UPK1B: variants seen among roughly 807,000 people sequenced by gnomAD.
UPK1B encodes the protein uroplakin-1b.
UPK1B carries 28 observed loss-of-function variants against 34.2 expected under a neutral mutation model. That is an observed-to-expected ratio of 0.82 (90% CI 0.61 to 1.12). UPK1B has a LOEUF of 1.12. Among genes scored for constraint, UPK1B ranks in the 50% most tolerant of loss-of-function variants. UPK1B has a pLI of 0.00. For missense variants in UPK1B, 325 were observed against 320.9 expected (o/e 1.01, Z -0.10); for synonymous variants, 81 against 110.4 (o/e 0.73, Z 1.67).
At chr3:119,185,195 G>T (rs927347204) in intron 1 of UPK1B, among the ~76,000 whole-genome samples, 1 of 152,164 alleles carries the variant, frequency 6.6e-6, no homozygotes, top group South Asian at 2.1e-4. Flanking sequence ...AGCTAAAAGT[G>T]CTCATAAATT....
chr3:119,176,299 A>C (rs1202624619), intron 1 of UPK1B, among the ~76,000 whole-genome samples: 1 of 152,160 alleles, frequency 6.6e-6, no homozygotes, highest in African/African-American at 2.4e-5. Flanking sequence ...AAATGATCTC[A>C]TGCTTACTGG....
At chr3:119,183,269 T>C (rs1400362376) in intron 1 of UPK1B, among the ~76,000 whole-genome samples, 1 of 145,080 alleles carries the variant, frequency 6.9e-6, no homozygotes, top group East Asian at 2.0e-4. Context: ...CCCTTTTTTT[T>C]TGTTTTTTTT....
intron 1 of UPK1B, among the ~76,000 whole-genome samples, chr3:119,179,915 C>T (rs2077981771): frequency 6.9e-6 from 1 of 145,910 alleles, no homozygotes; most frequent in African/African-American, 2.5e-5. Flanking sequence ...TCTCCCGCCT[C>T]AGCCTCCTGA....
At chr3:119,196,535 C>CTTTTTTTT (rs34406185) in intron 6 of UPK1B, among the ~76,000 whole-genome samples, 1 of 107,178 alleles carries the variant, frequency 9.3e-6, no homozygotes, top group African/African-American at 3.7e-5. Flanking sequence ...TTTTCTTTTT[C>CTTTTTTTT]TTTTTTTTTT....
At chr3:119,194,435 T>G in intron 6 of UPK1B, 37 bp downstream of exon 6, 1 of 1,554,884 alleles carries the variant, frequency 6.4e-7, no homozygotes, top group Non-Finnish European at 8.7e-7. Flanking sequence ...CCCAGGAGGT[T>G]CTGCTGCTCT....
intron 1 of UPK1B, among the ~76,000 whole-genome samples, chr3:119,178,613 T>C (rs998982203): frequency 1.3e-5 from 2 of 152,196 alleles, no homozygotes; most frequent in African/African-American, 2.4e-5. Flanking sequence ...CCTAAATTCA[T>C]ACCAAAAACT....
At chr3:119,176,377 T>C (rs145130676) in intron 1 of UPK1B, among the ~76,000 whole-genome samples, 212 of 152,316 alleles carry the variant, frequency 1.4e-3, no homozygotes, top group Middle Eastern at 3.4e-3. Flanking sequence ...TTTTTAGACC[T>C]TTCAATGTGT....
At position 119,202,599 on chromosome 3, in the gene UPK1B, C is replaced by T. The variant is rs79132158; in HGVS notation, c.733-1318C>T. On this transcript the variant is annotated intron_variant, in intron 7 of 7. Transcript: ENST00000264234. ...ACTGAAGCTCAGGAAATTTAAGTGA[C>T]TTGGCTAAAGTTACCCAGGAGTAAG... Among the ~76,000 whole-genome samples the T allele has an allele frequency of 7.2e-3, 1,096 of 152,250 alleles. 8 individuals are homozygous for T. Among genetic ancestry groups the T allele is most frequent in the African/African-American group, 0.026 (1,064 of 41,528 alleles).
intron 1 of UPK1B, among the ~76,000 whole-genome samples, chr3:119,175,104 T>C (rs1481417957): frequency 7.5e-6 from 1 of 133,700 alleles, no homozygotes; most frequent in Admixed American, 8.7e-5. Context: ...CTCTGCTCAC[T>C]GCAAGCTCTG....
Position 119,204,187 on chromosome 3 carries a change from C to T in UPK1B, c.*220C>T, listed in dbSNP as rs1418786937. On this transcript the variant is annotated 3_prime_UTR_variant, in exon 8 of 8. Coordinates refer to ENST00000264234, the MANE Select transcript of UPK1B (RefSeq NM_006952.4). ...TAGCATTCTGCAACATTTATATAGA[C>T]TGTTGAAAGGAGAATTTGAAAAATG... 1 of 518,252 alleles carries T rather than the reference C, an allele frequency of 1.9e-6. No individual in the cohort carries two copies. Among genetic ancestry groups the T allele is most frequent in the Non-Finnish European group, 3.4e-6 (1 of 293,180 alleles). 32.1% of individuals were successfully genotyped at this position (518,252 alleles called of 1,614,324 possible).
chr3:119,203,807 A>AAAC lies in UPK1B; in HGVS notation c.733-108_733-107insCAA, dbSNP rs1559905443. On this transcript the variant is annotated intron_variant, in intron 7 of 7. Transcript: ENST00000264234. ...GAAGAAATAAAAACAAACAAACAAA[A>AAAC]AAATCTGTTGTCACCTAAGCCTGAA... The AAAC allele has an allele frequency of 7.0e-6, 8 of 1,137,462 alleles. 1 individual carries two copies. In the East Asian group the frequency reaches 9.8e-5, roughly 14 times the overall value. 70.5% of individuals were successfully genotyped at this position (1,137,462 alleles called of 1,614,324 possible).
chr3:119,196,365 CTATATTTGTTCCCAAG>C (rs1279195207), intron 6 of UPK1B, among the ~76,000 whole-genome samples: 1 of 152,006 alleles, frequency 6.6e-6, no homozygotes, highest in Non-Finnish European at 1.5e-5. Flanking sequence ...CTACCTGGAA[CTATATTTGTTCCCAAG>C]TCTATTTTTT....
intron 3 of UPK1B, 24 bp downstream of exon 3, chr3:119,187,999 G>T (rs1251197719): frequency 1.2e-6 from 2 of 1,612,690 alleles, no homozygotes. Flanking sequence ...ATTCTCTGGA[G>T]TTGTCTCCCT....
chr3:119,188,001 T>C, intron 3 of UPK1B, 26 bp downstream of exon 3: 1 of 1,611,910 alleles, frequency 6.2e-7, no homozygotes, highest in Non-Finnish European at 8.5e-7. Flanking sequence ...TCTCTGGAGT[T>C]GTCTCCCTGA....
In UPK1B at chr3:119,204,147, C is replaced by G. The variant is rs1335122624; in HGVS notation, c.*180C>G. ...GCTTCTGCAGTTCTCATGACTCCTACTTTTCATCCTAGTCTAGCATTCTGC... is the reference window on the plus strand; with the variant it reads ...GCTTCTGCAGTTCTCATGACTCCTAGTTTTCATCCTAGTCTAGCATTCTGC... On this transcript the variant is annotated 3_prime_UTR_variant, in exon 8 of 8. Coordinates refer to ENST00000264234, the MANE Select transcript of UPK1B (RefSeq NM_006952.4). 4.9e-6 allele frequency: 3 copies of G among 616,094 alleles called. No individual in the cohort carries two copies. Among genetic ancestry groups the G allele is most frequent in the Non-Finnish European group, 8.4e-6 (3 of 356,002 alleles). 38.2% of individuals were successfully genotyped at this position (616,094 alleles called of 1,614,324 possible).
chr3:119,199,158 C>T lies in UPK1B; in HGVS notation c.732+18C>T. On this transcript the variant is annotated intron_variant, in intron 7 of 7. Transcript: ENST00000264234. ...GCTGGACTGTGAGTATTTCCCAGCACATATTTTATCTGAGAGGATGATCAT... is the reference window on the plus strand; with the variant it reads ...GCTGGACTGTGAGTATTTCCCAGCATATATTTTATCTGAGAGGATGATCAT... 2 of 1,613,174 alleles carry T rather than the reference C, an allele frequency of 1.2e-6. No individual in the cohort carries two copies. The highest frequency in any genetic ancestry group is 1.1e-5 in the South Asian group (1 of 90,974).
chr3:119,204,046 C>A lies in UPK1B; in HGVS notation c.*79C>A. 1 of 1,509,902 alleles carries A rather than the reference C, an allele frequency of 6.6e-7. No individual in the cohort carries two copies. The highest frequency in any genetic ancestry group is 9.2e-7 in the Non-Finnish European group (1 of 1,092,114). 93.5% of individuals were successfully genotyped at this position (1,509,902 alleles called of 1,614,324 possible). The stretch of plus-strand genomic sequence containing the variant: ...TGGAACCAGCTCTCTCCTAATATTC[C>A]ACGTTTGTGCCCCACACTAACGTGT... On this transcript the variant is annotated 3_prime_UTR_variant, in exon 8 of 8. Transcript: ENST00000264234.
chr3:119,193,878 G>A (rs933519508), intron 5 of UPK1B, among the ~76,000 whole-genome samples: 34 of 151,990 alleles, frequency 2.2e-4, no homozygotes, highest in African/African-American at 7.3e-4. Context: ...AGCACATTAA[G>A]TATATTAACT....
chr3:119,194,490 A>G (rs7628485), intron 6 of UPK1B, 92 bp downstream of exon 6: 498,915 of 1,189,950 alleles, frequency 0.42, 110,078 homozygotes, highest in Non-Finnish European at 0.45. Context: ...GTCTTTCAGT[A>G]AGGAATTCTA....
Sources: gnomAD v4.1 joint callset for allele counts (sites outside exome capture counted in the v4.1 genomes callset) on GRCh38, gnomAD v4.1.1 for gene constraint, MANE v1.5 for transcripts, NCBI Gene and HGNC (gene_info 2026-07-23, HGNC 2026-07-21) for gene names.